The following MTMR7 variants were observed in gnomAD, a reference collection of about 807,000 sequenced individuals.
MTMR7 encodes the protein phosphatidylinositol-3-phosphate phosphatase MTMR7.
Under a neutral mutation model 81.2 loss-of-function variants are expected in MTMR7, and 76 were observed. The observed-to-expected ratio is 0.94, with a 90% CI of 0.78 to 1.13. MTMR7 has a LOEUF of 1.13. Ranked by LOEUF, MTMR7 falls within the 50% of genes most tolerant of loss-of-function variation. MTMR7 has a pLI of 0.00. For synonymous variants in MTMR7, 372 were observed against 289.8 expected (o/e 1.28, Z -2.88); for missense variants, 1,044 against 820.0 (o/e 1.27, Z -3.34).
chr8:17,389,861 T>C (rs539220385), intron 1 of MTMR7, among the ~76,000 whole-genome samples: 110 of 152,220 alleles, frequency 7.2e-4, no homozygotes, highest in African/African-American at 2.5e-3. Context: ...TTGAAAGATA[T>C]TGAAAGATAC....
intron 3 of MTMR7, among the ~76,000 whole-genome samples, chr8:17,368,496 G>A (rs1820306989): frequency 1.3e-5 from 2 of 152,144 alleles, no homozygotes; most frequent in South Asian, 2.1e-4. Flanking sequence ...TTATTCTCAT[G>A]CCCTTAAAGG....
At chr8:17,326,534 C>G (rs1199607672) in intron 7 of MTMR7, 1 of 152,146 alleles carries the variant, frequency 6.6e-6, no homozygotes, top group African/African-American at 2.4e-5. Context: ...ATAAAAAGTG[C>G]TAGGTTAAAA....
intron 7 of MTMR7, among the ~76,000 whole-genome samples, chr8:17,325,120 G>A (rs554899819): frequency 1.2e-4 from 19 of 152,094 alleles, no homozygotes; most frequent in Admixed American, 9.8e-4. Flanking sequence ...AAGGGACATC[G>A]GAACCGACAG....
At chr8:17,313,830 C>T in intron 7 of MTMR7, among the ~76,000 whole-genome samples, 1 of 152,178 alleles carries the variant, frequency 6.6e-6, no homozygotes, top group East Asian at 1.9e-4. Context: ...GTCACCCAAC[C>T]ACTTCAGATT....
chr8:17,326,001 A>T (rs796462603), intron 7 of MTMR7, among the ~76,000 whole-genome samples: 3 of 152,314 alleles, frequency 2.0e-5, no homozygotes, highest in African/African-American at 7.2e-5. Flanking sequence ...CCTTTTAATG[A>T]TCATGAATTA....
intron 4 of MTMR7, among the ~76,000 whole-genome samples, chr8:17,356,837 A>C (rs1819905383): frequency 1.3e-5 from 2 of 152,216 alleles, no homozygotes; most frequent in Admixed American, 6.5e-5. Context: ...TATCACATCA[A>C]TACCAACCGT....
At chr8:17,319,604 A>G (rs1818278137) in intron 7 of MTMR7, among the ~76,000 whole-genome samples, 1 of 152,230 alleles carries the variant, frequency 6.6e-6, no homozygotes, top group Non-Finnish European at 1.5e-5. Flanking sequence ...ACCAGACACT[A>G]TGCTTTATAT....
rs138839582 is a variant in MTMR7, at chr8:17,394,496, T to G, written c.24+18773A>C. Among the ~76,000 whole-genome samples the G allele has an allele frequency of 2.3e-3, 350 of 152,268 alleles. 2 individuals are homozygous for G. Among genetic ancestry groups the G allele is most frequent in the African/African-American group, 7.2e-3 (299 of 41,560 alleles). ...TTCCATTTATATAAAATGTCCTGGA[T>G]AGGCAAATCTCTAGAGATTGTCCAG... On this transcript the variant is annotated intron_variant, in intron 1 of 13. Coordinates refer to ENST00000180173, the MANE Select transcript of MTMR7 (RefSeq NM_004686.5).
chr8:17,361,045 A>G (rs1820044000), intron 4 of MTMR7, 72 bp downstream of exon 4: 1 of 1,545,262 alleles, frequency 6.5e-7, no homozygotes, highest in African/African-American at 1.4e-5. Context: ...AAGGAGATAA[A>G]AATAAAGGGA....
rs1563315402 is a variant in MTMR7 at position 17,304,768 on chromosome 8, T to TGTGTGTGTGTGTGTGTG, written c.1353-250_1353-249insCACACACACACACACAC. 9.5e-5 allele frequency among the ~76,000 whole-genome samples: 14 copies of TGTGTGTGTGTGTGTGTG among 147,614 alleles called. No individual in the cohort carries two copies. In the South Asian group the frequency reaches 1.1e-3, roughly 12 times the overall value. Reference sequence around the variant, plus strand: ...ATTCGTGTGTGTGTGTGTGTGTGTGTTAAGCTGTTCTTTTGGGGGGAGTTT... The same window carrying TGTGTGTGTGTGTGTGTG: ...ATTCGTGTGTGTGTGTGTGTGTGTGTGTGTGTGTGTGTGTGTGTAAGCTGTTCTTTTGGGGGGAGTTT... On this transcript the variant is annotated intron_variant, in intron 11 of 13. Transcript: ENST00000180173.
chr8:17,342,086 G>C (rs1423382965), intron 5 of MTMR7, among the ~76,000 whole-genome samples: 1 of 152,204 alleles, frequency 6.6e-6, no homozygotes, highest in Middle Eastern at 3.4e-3. Flanking sequence ...CTTAGAACAA[G>C]GGGGATTTTT....
chr8:17,398,324 C>G (rs1242670748), intron 1 of MTMR7, among the ~76,000 whole-genome samples: 1 of 152,146 alleles, frequency 6.6e-6, no homozygotes, highest in Non-Finnish European at 1.5e-5. Context: ...ACTCAAAATT[C>G]TACCAGATGA....
At chr8:17,408,383 G>A (rs1821650479) in intron 1 of MTMR7, among the ~76,000 whole-genome samples, 1 of 116,658 alleles carries the variant, frequency 8.6e-6, no homozygotes, top group African/African-American at 3.7e-5. Flanking sequence ...GCGACAGAGC[G>A]AGACTCCGTC....
chr8:17,368,233 G>T, intron 3 of MTMR7, among the ~76,000 whole-genome samples: 1 of 152,092 alleles, frequency 6.6e-6, no homozygotes, highest in East Asian at 1.9e-4. Flanking sequence ...AGGAGGTAGA[G>T]CTCACGCTTG....
At chr8:17,326,576 G>T (rs1818691114) in intron 7 of MTMR7, 1 of 152,152 alleles carries the variant, frequency 6.6e-6, no homozygotes, top group East Asian at 1.9e-4. Flanking sequence ...TGGAAAGGAT[G>T]TTTTTAAAAG....
chr8:17,347,494 C>G (rs1439655449), intron 5 of MTMR7, among the ~76,000 whole-genome samples: 2 of 152,092 alleles, frequency 1.3e-5, no homozygotes, highest in Admixed American at 1.3e-4. Flanking sequence ...CCCTGCTCTA[C>G]CCCCCGGCTG....
At chr8:17,349,723 C>G (rs1399200133) in intron 4 of MTMR7, among the ~76,000 whole-genome samples, 1 of 152,154 alleles carries the variant, frequency 6.6e-6, no homozygotes. Context: ...AATGTAACAG[C>G]TTGATTTTTG....
At chr8:17,334,841 G>A (rs1304367498) in intron 6 of MTMR7, among the ~76,000 whole-genome samples, 1 of 152,214 alleles carries the variant, frequency 6.6e-6, no homozygotes, top group East Asian at 1.9e-4. Flanking sequence ...CTGGGGATCA[G>A]GGGTAACGTT....
At chr8:17,411,793 G>C (rs561729368) in intron 1 of MTMR7, among the ~76,000 whole-genome samples, 5 of 152,192 alleles carry the variant, frequency 3.3e-5, no homozygotes, top group Non-Finnish European at 5.9e-5. Flanking sequence ...ATATAGAACA[G>C]AAAAGGCCTT....
Sources: allele counts gnomAD v4.1 joint callset (sites outside exome capture counted in the v4.1 genomes callset), GRCh38; gene constraint gnomAD v4.1.1; transcripts MANE v1.5; gene names NCBI Gene and HGNC (gene_info 2026-07-23, HGNC 2026-07-21).